The following CCDC3 variants were observed in gnomAD, a reference collection of about 807,000 sequenced individuals.
The protein encoded by CCDC3 is coiled-coil domain-containing protein 3.
CCDC3 carries 24 observed loss-of-function variants against 21.4 expected under a neutral mutation model. That is an observed-to-expected ratio of 1.12 (90% CI 0.81 to 1.58). The LOEUF (loss-of-function observed/expected upper bound fraction) is 1.58, where lower values mean the gene tolerates loss of function less well. Among genes scored for constraint, CCDC3 ranks in the 40% most tolerant of loss-of-function variants. CCDC3 has a pLI of 0.00. For missense variants in CCDC3, 425 were observed against 360.9 expected, an observed-to-expected ratio of 1.18 and a Z score of -1.44; for synonymous variants, 186 against 166.0, an observed-to-expected ratio of 1.12 and a Z score of -0.93.
chr10:12,984,484 G>GA (rs1376441167), intron 2 of CCDC3, among the ~76,000 whole-genome samples: 1 of 152,162 alleles, frequency 6.6e-6, no homozygotes, highest in East Asian at 1.9e-4. Context: ...AGCTGCTTTG[G>GA]AAAACAGTCT....
At chr10:12,939,775 G>A (rs1834792157) in intron 2 of CCDC3, among the ~76,000 whole-genome samples, 1 of 152,106 alleles carries the variant, frequency 6.6e-6, no homozygotes, top group South Asian at 2.1e-4. Flanking sequence ...TACCCAAAAG[G>A]GTAATGAAAT....
intron 2 of CCDC3, among the ~76,000 whole-genome samples, chr10:12,927,684 CTAATACACACTTTGTCCCA>C (rs1834566338): frequency 6.6e-6 from 1 of 152,156 alleles, no homozygotes; most frequent in African/African-American, 2.4e-5. Flanking sequence ...AGTGAATTCT[CTAATACACACTTTGTCCCA>C]AAACACGCTA....
intron 4 of CCDC3, among the ~76,000 whole-genome samples, chr10:13,065,584 T>C (rs988109805): frequency 6.6e-6 from 1 of 152,234 alleles, no homozygotes; most frequent in African/African-American, 2.4e-5. Context: ...ATAATTACGA[T>C]ATGAAGCTAA....
chr10:12,976,630 G>A (rs1835421402), intron 2 of CCDC3, among the ~76,000 whole-genome samples: 1 of 152,226 alleles, frequency 6.6e-6, no homozygotes, highest in Admixed American at 6.5e-5. Context: ...AAAAACAGAT[G>A]TGCAGGCCTC....
chr10:12,971,925 G>A lies in CCDC3; in HGVS notation c.549+26413C>T, dbSNP rs539802605. The stretch of plus-strand genomic sequence containing the variant: ...GCTGGTCTCAAACTCCTGACCTCGT[G>A]ATCTGACCACCTCAGCCTCCCAAAG... On this transcript the variant is annotated intron_variant, in intron 2 of 2. Transcript: ENST00000378825. Among the ~76,000 whole-genome samples the A allele has an allele frequency of 3.4e-4, 52 of 152,120 alleles. No homozygotes were observed. In the South Asian group the frequency reaches 0.011, roughly 32 times the overall value.
intron 4 of CCDC3, among the ~76,000 whole-genome samples, chr10:13,061,285 G>A (rs525455): frequency 0.58 from 88,247 of 152,066 alleles, 26,416 homozygotes; most frequent in African/African-American, 0.73. Context: ...TGTTACTGCA[G>A]TGGGCTTCCG....
Position 12,897,936 on chromosome 10 carries a change from C to G in CCDC3, c.*480G>C, listed in dbSNP as rs1237533183. On this transcript the variant is annotated 3_prime_UTR_variant, in exon 3 of 3. Coordinates refer to ENST00000378825, the MANE Select transcript of CCDC3 (RefSeq NM_031455.4). ...CATCTTGGATGCAAGGCCACCATCC[C>G]CTTCCAAAGATGTGGCCAGTGAGGT... is the stretch of plus-strand genomic sequence containing the variant. The G allele has an allele frequency of 6.5e-6, 1 of 154,152 alleles. No homozygotes were observed. Among genetic ancestry groups the G allele is most frequent in the Non-Finnish European group, 1.4e-5 (1 of 69,392 alleles). 9.5% of individuals were successfully genotyped at this position (154,152 alleles called of 1,614,324 possible).
chr10:13,075,126 C>T (rs112595119), intron 3 of CCDC3, among the ~76,000 whole-genome samples: 125 of 152,342 alleles, frequency 8.2e-4, no homozygotes, highest in Middle Eastern at 3.4e-3. Flanking sequence ...CGAGGCTTTA[C>T]ATCCCTTTAT....
chr10:12,925,388 G>C (rs1249161377), intron 2 of CCDC3, among the ~76,000 whole-genome samples: 5 of 137,214 alleles, frequency 3.6e-5, no homozygotes, highest in Non-Finnish European at 7.8e-5. Context: ...AGTCCTTTGT[G>C]GGCCATTAAT....
chr10:13,058,708 G>A (rs938422568), intron 4 of CCDC3: 26 of 372,516 alleles, frequency 7.0e-5, no homozygotes, highest in Non-Finnish European at 6.4e-5. Context: ...TCTGTGGCTC[G>A]ACAGAGACCT....
chr10:12,954,009 T>C (rs568977139), intron 2 of CCDC3, among the ~76,000 whole-genome samples: 5 of 152,314 alleles, frequency 3.3e-5, no homozygotes, highest in Admixed American at 6.5e-5. Flanking sequence ...AAACACCTTA[T>C]TTACAGCCAT....
intron 5 of CCDC3, among the ~76,000 whole-genome samples, chr10:13,021,189 T>C (rs1055178322): frequency 9.8e-5 from 15 of 152,326 alleles, no homozygotes; most frequent in African/African-American, 2.4e-4. Context: ...TTTGAGGAAA[T>C]AACTAAGCTT....
chr10:12,989,887 G>T (rs1835654456), intron 2 of CCDC3, among the ~76,000 whole-genome samples: 2 of 151,932 alleles, frequency 1.3e-5, no homozygotes, highest in Admixed American at 6.6e-5. Flanking sequence ...GGGACCAGAT[G>T]ATTCTAGCAG....
intron 5 of CCDC3, among the ~76,000 whole-genome samples, chr10:13,049,492 G>C (rs1836575149): frequency 6.6e-6 from 1 of 152,138 alleles, no homozygotes; most frequent in African/African-American, 2.4e-5. Flanking sequence ...AAGTACTAAT[G>C]AATTTGTATG....
At chr10:12,908,381 T>C (rs1473737438) in intron 2 of CCDC3, among the ~76,000 whole-genome samples, 1 of 152,036 alleles carries the variant, frequency 6.6e-6, no homozygotes, top group African/African-American at 2.4e-5. Context: ...ATCTCCAACA[T>C]GCAGCAAGAA....
intron 2 of CCDC3, among the ~76,000 whole-genome samples, chr10:12,967,248 A>G (rs66494551): frequency 0.11 from 16,508 of 152,262 alleles, 1,402 homozygotes; most frequent in African/African-American, 0.24. Context: ...CTTCTCCACC[A>G]AATGAACAGA....
chr10:13,086,543 G>A (rs565444283), intron 3 of CCDC3, among the ~76,000 whole-genome samples: 3 of 152,112 alleles, frequency 2.0e-5, no homozygotes, highest in Non-Finnish European at 2.9e-5. Flanking sequence ...CGCAACCTCC[G>A]CCTCCCGGTT....
At chr10:12,949,239 C>G (rs1330641688) in intron 2 of CCDC3, among the ~76,000 whole-genome samples, 1 of 152,216 alleles carries the variant, frequency 6.6e-6, no homozygotes, top group Admixed American at 6.5e-5. Flanking sequence ...ATAAAGACCA[C>G]ATATCCCAGC....
upstream of CCDC3, among the ~76,000 whole-genome samples, chr10:13,002,044 C>A (rs1457769709): frequency 1.3e-5 from 2 of 152,232 alleles, no homozygotes; most frequent in South Asian, 4.1e-4. Context: ...TAAGTTTTTA[C>A]ATTTTCTCTA....
Sources: allele counts gnomAD v4.1 joint callset (sites outside exome capture counted in the v4.1 genomes callset), GRCh38; gene constraint gnomAD v4.1.1; transcripts MANE v1.5; gene names NCBI Gene and HGNC (gene_info 2026-07-23, HGNC 2026-07-21).